FSTL5: variants seen among roughly 807,000 people sequenced by gnomAD.
The protein encoded by FSTL5 is follistatin-related protein 5.
A neutral mutation model predicts 89.1 loss-of-function variants in FSTL5; 62 were observed. The ratio of observed to expected loss-of-function variants is 0.70; its 90% CI spans 0.57 to 0.86. The LOEUF (loss-of-function observed/expected upper bound fraction) is 0.86, where lower values mean the gene tolerates loss of function less well. Among genes scored for constraint, FSTL5 ranks in the 40% least tolerant of loss-of-function variants. The probability of loss-of-function intolerance (pLI) is 0.00; values close to 1 mark genes in which losing one functional copy is unlikely to be tolerated. For missense variants in FSTL5, 1,057 were observed against 1,001.6 expected (o/e 1.06, Z -0.75); for synonymous variants, 383 against 346.2 (o/e 1.11, Z -1.18).
At chr4:161,824,175 A>T (rs1345583495) in intron 4 of FSTL5, among the ~76,000 whole-genome samples, 1 of 152,082 alleles carries the variant, frequency 6.6e-6, no homozygotes, top group African/African-American at 2.4e-5. Context: ...ATCCATCTTG[A>T]GTTGATTTTT....
At chr4:161,728,667 CA>C (rs1739503961) in intron 6 of FSTL5, among the ~76,000 whole-genome samples, 1 of 151,826 alleles carries the variant, frequency 6.6e-6, no homozygotes, top group South Asian at 2.1e-4. Context: ...ATATACCAGG[CA>C]AAAGTTATTT....
At chr4:161,729,602 A>G (rs955360903) in intron 6 of FSTL5, among the ~76,000 whole-genome samples, 1 of 152,182 alleles carries the variant, frequency 6.6e-6, no homozygotes, top group Non-Finnish European at 1.5e-5. Flanking sequence ...TGGAAGGAAG[A>G]ACAAAAGTAG....
intron 2 of FSTL5, among the ~76,000 whole-genome samples, chr4:162,044,202 T>C (rs1365360383): frequency 6.6e-6 from 1 of 152,186 alleles, no homozygotes; most frequent in African/African-American, 2.4e-5. Flanking sequence ...ATAATAAGAA[T>C]TGAATGTCAA....
chr4:162,122,596 A>C (rs1407323843), intron 1 of FSTL5, among the ~76,000 whole-genome samples: 1 of 152,102 alleles, frequency 6.6e-6, no homozygotes, highest in African/African-American at 2.4e-5. Flanking sequence ...ATTTATTTTC[A>C]ATACTATCTT....
chr4:161,899,289 G>C (rs751681419), intron 4 of FSTL5, among the ~76,000 whole-genome samples: 5 of 152,154 alleles, frequency 3.3e-5, no homozygotes, highest in Non-Finnish European at 7.4e-5. Context: ...ATGCAGAGAA[G>C]AAAAGAAGGA....
At chr4:161,489,992 ATT>A (rs1450759724) in intron 12 of FSTL5, among the ~76,000 whole-genome samples, 1 of 151,998 alleles carries the variant, frequency 6.6e-6, no homozygotes, top group African/African-American at 2.4e-5. Flanking sequence ...GGTATTTTTT[ATT>A]TCAAAATCTG....
rs553646662 is a variant in FSTL5, at chr4:161,421,885, C to T, written c.1841+33119G>A. ...CCTACACCATCAGCTTTCTAGCTCT[C>T]AGGCCTTCAAACTATACCACCAACT... is the stretch of plus-strand genomic sequence containing the variant. On this transcript the variant is annotated intron_variant, in intron 15 of 15. Coordinates refer to ENST00000306100, the MANE Select transcript of FSTL5 (RefSeq NM_020116.5). Among the ~76,000 whole-genome samples the T allele has an allele frequency of 4.6e-5, 7 of 152,282 alleles. No individual in the cohort carries two copies. The South Asian group carries it at 1.5e-3, about 32-fold the overall frequency.
intron 4 of FSTL5, among the ~76,000 whole-genome samples, chr4:161,792,445 T>G (rs1729510514): frequency 1.3e-5 from 2 of 152,090 alleles, no homozygotes; most frequent in Admixed American, 1.3e-4. Context: ...AAACCCCACC[T>G]TCAACCCAGG....
intron 3 of FSTL5, among the ~76,000 whole-genome samples, chr4:161,927,152 G>A (rs1734149654): frequency 6.6e-6 from 1 of 151,568 alleles, no homozygotes; most frequent in African/African-American, 2.4e-5. Flanking sequence ...TGTTGATCTA[G>A]ATAATAAATA....
At chr4:161,579,890 A>G (rs1311346605) in intron 8 of FSTL5, among the ~76,000 whole-genome samples, 1 of 152,154 alleles carries the variant, frequency 6.6e-6, no homozygotes, top group African/African-American at 2.4e-5. Flanking sequence ...GAAAGTGACC[A>G]TAATAAAGAA....
At chr4:161,615,967 T>C (rs1357497469) in intron 7 of FSTL5, among the ~76,000 whole-genome samples, 1 of 152,168 alleles carries the variant, frequency 6.6e-6, no homozygotes, top group South Asian at 2.1e-4. Context: ...CCCTTTAAAA[T>C]TACTTGGATT....
intron 4 of FSTL5, among the ~76,000 whole-genome samples, chr4:161,829,599 C>CA (rs113137001): frequency 1.4e-4 from 22 of 152,074 alleles, no homozygotes; most frequent in Middle Eastern, 3.4e-3. Flanking sequence ...TTTGAGCCAT[C>CA]AAATAGCAAA....
chr4:161,784,911 C>CAAAAAAAA (rs1340879777), intron 4 of FSTL5, among the ~76,000 whole-genome samples: 30 of 45,134 alleles, frequency 6.6e-4, no homozygotes, highest in African/African-American at 2.2e-3. Flanking sequence ...CAAAAACAAA[C>CAAAAAAAA]AAACAAAAAA....
chr4:161,730,503 C>T (rs11733809), intron 6 of FSTL5, among the ~76,000 whole-genome samples: 1 of 151,896 alleles, frequency 6.6e-6, no homozygotes, highest in African/African-American at 2.4e-5. Flanking sequence ...TACTTTAATG[C>T]TGCATAAAAA....
At chr4:161,416,856 A>AAAG (rs1731806132) in intron 15 of FSTL5, among the ~76,000 whole-genome samples, 1 of 150,472 alleles carries the variant, frequency 6.6e-6, no homozygotes, top group Admixed American at 6.7e-5. Flanking sequence ...AAAAAAAAAA[A>AAAG]AAAAAGAAAG....
chr4:161,513,417 G>A (rs531805679), intron 10 of FSTL5, among the ~76,000 whole-genome samples: 11 of 151,828 alleles, frequency 7.2e-5, no homozygotes, highest in Admixed American at 7.2e-4. Flanking sequence ...TTAATACCAG[G>A]GTGATTCCTC....
At chr4:161,719,146 AT>A (rs2126748628) in intron 6 of FSTL5, among the ~76,000 whole-genome samples, 2 of 152,226 alleles carry the variant, frequency 1.3e-5, no homozygotes, top group South Asian at 4.1e-4. Context: ...TAAGAGTCCA[AT>A]TTCATTCATT....
At chr4:161,830,998 C>T (rs147517543) in intron 4 of FSTL5, among the ~76,000 whole-genome samples, 77 of 152,020 alleles carry the variant, frequency 5.1e-4, no homozygotes, top group Non-Finnish European at 7.8e-4. Flanking sequence ...TTGAAAATCA[C>T]AACTCAAATG....
intron 7 of FSTL5, among the ~76,000 whole-genome samples, chr4:161,619,844 T>C (rs1735049558): frequency 6.6e-6 from 1 of 152,062 alleles, no homozygotes; most frequent in Admixed American, 6.6e-5. Context: ...ACTGGGTATA[T>C]ACCCAAAGGA....
Sources: gnomAD v4.1 joint callset for allele counts (sites outside exome capture counted in the v4.1 genomes callset) on GRCh38, gnomAD v4.1.1 for gene constraint, MANE v1.5 for transcripts, NCBI Gene and HGNC (gene_info 2026-07-23, HGNC 2026-07-21) for gene names.